Variants in SEM1 observed in about 807,000 individuals in gnomAD.
SEM1 encodes SEM1 26S proteasome subunit.
Under a neutral mutation model 12.7 loss-of-function variants are expected in SEM1, and 3 were observed. That is an observed-to-expected ratio of 0.24 (90% CI 0.11 to 0.61). SEM1 has a LOEUF of 0.61. Among genes scored for constraint, SEM1 ranks in the 20% least tolerant of loss-of-function variants. The pLI, the probability that SEM1 is intolerant of heterozygous loss-of-function variation, is 0.88. For synonymous variants in SEM1, 30 were observed against 27.8 expected (o/e 1.08, Z -0.25); for missense variants, 59 against 81.3 (o/e 0.73, Z 1.06).
At chr7:96,619,390 T>A (rs917475254), downstream of SEM1, among the ~76,000 whole-genome samples, 2 of 149,256 alleles carry the variant, frequency 1.3e-5, no homozygotes, top group African/African-American at 4.9e-5. Flanking sequence ...ATTTTCTTAG[T>A]GACTTAAGGC....
rs867190316 is a variant in SEM1, at chr7:96,691,016, C to T, written c.171-2050G>A. ...TCGATCTCCTGACCTCGTGATCCAC[C>T]GGCCTCGGCCTCCCAAAGTGCTGGG... On this transcript the variant is annotated intron_variant, in intron 2 of 2. Transcript: ENST00000248566. Among the ~76,000 whole-genome samples the T allele has an allele frequency of 3.9e-5, 6 of 152,270 alleles. No homozygotes were observed. In the Middle Eastern group the frequency reaches 0.01, roughly 259 times the overall value.
At chr7:96,603,445 CT>C (rs1349379830) in intron 2 of SEM1, among the ~76,000 whole-genome samples, 10 of 152,268 alleles carry the variant, frequency 6.6e-5, no homozygotes, top group Non-Finnish European at 1.3e-4. Flanking sequence ...CAGGACCTCC[CT>C]CTTGTTTAAC....
At chr7:96,507,441 A>G (rs1391104579) in intron 2 of SEM1, among the ~76,000 whole-genome samples, 1 of 152,128 alleles carries the variant, frequency 6.6e-6, no homozygotes, top group African/African-American at 2.4e-5. Context: ...CCCAAACAGC[A>G]CATTCTGGCC....
intron 2 of SEM1, among the ~76,000 whole-genome samples, chr7:96,573,834 T>C (rs1329420339): frequency 6.6e-6 from 1 of 152,178 alleles, no homozygotes; most frequent in Non-Finnish European, 1.5e-5. Context: ...TCTTGGATAA[T>C]ATCCTGAAGA....
downstream of SEM1, among the ~76,000 whole-genome samples, chr7:96,621,103 G>T (rs1194021631): frequency 6.6e-6 from 1 of 152,246 alleles, no homozygotes; most frequent in South Asian, 2.1e-4. Context: ...AGAATCTACT[G>T]TACATAATTA....
intron 2 of SEM1, among the ~76,000 whole-genome samples, chr7:96,682,465 GT>G (rs1424610033): frequency 6.6e-6 from 1 of 152,050 alleles, no homozygotes; most frequent in East Asian, 1.9e-4. Context: ...TCTTGTACCG[GT>G]TTTCAAAGGG....
intron 2 of SEM1, among the ~76,000 whole-genome samples, chr7:96,538,210 T>A (rs1804845565): frequency 6.6e-6 from 1 of 151,848 alleles, no homozygotes; most frequent in Non-Finnish European, 1.5e-5. Flanking sequence ...TGTTTACTTT[T>A]TCTATTAGAG....
Position 96,693,760 on chromosome 7 carries a change from TTG to T in SEM1, c.170+1036_170+1037del, listed in dbSNP as rs566641071. 1.6e-3 allele frequency among the ~76,000 whole-genome samples: 221 copies of T among 139,516 alleles called. 1 individual carries two copies. The highest frequency in any genetic ancestry group is 5.2e-3 in the South Asian group (22 of 4,216). The allele number at this position is 139,516 out of a possible 152,430, so 91.5% of individuals were successfully genotyped here. ...TTAACGTATGACCCAACAATTCCAC[TTG>T]TGTGTGTGTGTGTGTGTGTGTGTGT... is the stretch of plus-strand genomic sequence containing the variant. On this transcript the variant is annotated intron_variant, in intron 2 of 2. Transcript: ENST00000248566.
At chr7:96,625,982 C>T (rs778944390) in intron 2 of SEM1, among the ~76,000 whole-genome samples, 30 of 152,064 alleles carry the variant, frequency 2.0e-4, no homozygotes, top group Non-Finnish European at 1.0e-4. Context: ...AATGGGGTAT[C>T]CATCCCCTCA....
chr7:96,515,732 T>C (rs1281888776), intron 2 of SEM1, among the ~76,000 whole-genome samples: 1 of 152,104 alleles, frequency 6.6e-6, no homozygotes, highest in East Asian at 1.9e-4. Flanking sequence ...TGCAGGGACA[T>C]GGATGAAGCT....
intron 1 of SEM1, among the ~76,000 whole-genome samples, chr7:96,703,434 T>G (rs191501282): frequency 1.5e-3 from 228 of 152,330 alleles, no homozygotes; most frequent in African/African-American, 5.3e-3. Context: ...TTTCAACTAT[T>G]CTGTAAGTTT....
intron 2 of SEM1, among the ~76,000 whole-genome samples, chr7:96,572,484 C>T (rs1010922301): frequency 2.0e-5 from 3 of 152,100 alleles, no homozygotes; most frequent in African/African-American, 4.8e-5. Context: ...TATGTTGTGC[C>T]TTTGTTCTCA....
At chr7:96,563,346 G>A (rs546910363) in intron 2 of SEM1, among the ~76,000 whole-genome samples, 56 of 151,958 alleles carry the variant, frequency 3.7e-4, no homozygotes, top group Non-Finnish European at 6.9e-4. Context: ...ATGTGCTGGA[G>A]GTTTGGGGGA....
chr7:96,597,491 G>A (rs899290208), intron 2 of SEM1, among the ~76,000 whole-genome samples: 1 of 152,012 alleles, frequency 6.6e-6, no homozygotes, highest in Non-Finnish European at 1.5e-5. Context: ...GCATTTGGTA[G>A]CTTATCCTTG....
intron 2 of SEM1, among the ~76,000 whole-genome samples, chr7:96,528,755 T>A (rs182959608): frequency 1.3e-5 from 2 of 152,260 alleles, no homozygotes; most frequent in African/African-American, 4.8e-5. Flanking sequence ...ATTCAGAATC[T>A]GCAGTCATCA....
chr7:96,694,071 T>C (rs1167243933), intron 2 of SEM1, among the ~76,000 whole-genome samples: 2 of 151,944 alleles, frequency 1.3e-5, no homozygotes, highest in Non-Finnish European at 2.9e-5. Flanking sequence ...AACATTATGC[T>C]AAGTGAAAAA....
chr7:96,516,977 C>T (rs550190306), intron 2 of SEM1, among the ~76,000 whole-genome samples: 4 of 152,058 alleles, frequency 2.6e-5, no homozygotes, highest in African/African-American at 9.7e-5. Context: ...ATCTGAAAAG[C>T]CTACATACTG....
intron 2 of SEM1, among the ~76,000 whole-genome samples, chr7:96,534,215 G>A (rs1804722082): frequency 6.6e-6 from 1 of 152,018 alleles, no homozygotes; most frequent in Non-Finnish European, 1.5e-5. Flanking sequence ...ACAACTGAGA[G>A]TATTTGTTGC....
intron 2 of SEM1, 73 bp from the exon 3 acceptor site, chr7:96,689,039 TA>T: frequency 1.1e-6 from 1 of 908,072 alleles, no homozygotes; most frequent in Non-Finnish European, 1.8e-6. Context: ...ATACAATAAA[TA>T]AACAAATAAA....
Sources: gnomAD v4.1 joint callset for allele counts (sites outside exome capture counted in the v4.1 genomes callset) on GRCh38, gnomAD v4.1.1 for gene constraint, MANE v1.5 for transcripts, NCBI Gene and HGNC (gene_info 2026-07-23, HGNC 2026-07-21) for gene names.